The following SH3RF1 variants were observed in gnomAD, a reference collection of about 807,000 sequenced individuals.
The protein encoded by SH3RF1 is E3 ubiquitin-protein ligase SH3RF1.
In SH3RF1, 32 loss-of-function variants were observed where a neutral mutation model predicts 74.0. The observed-to-expected ratio is 0.43, with a 90% CI of 0.33 to 0.58. The LOEUF (loss-of-function observed/expected upper bound fraction) is 0.58. SH3RF1 is among the 20% of genes least tolerant of loss of function. The probability of loss-of-function intolerance (pLI) is 0.05; values close to 1 mark genes in which losing one functional copy is unlikely to be tolerated. For missense variants in SH3RF1, 954 were observed against 1,130.9 expected (o/e 0.84, Z 2.24); for synonymous variants, 396 against 439.6 (o/e 0.90, Z 1.24).
At chr4:169,222,802 G>T (rs1730589118) in intron 2 of SH3RF1, among the ~76,000 whole-genome samples, 1 of 152,012 alleles carries the variant, frequency 6.6e-6, no homozygotes, top group African/African-American at 2.4e-5. Context: ...AACTTTAATG[G>T]AACATGTTTA....
chr4:169,156,906 A>G (rs1188380193), intron 2 of SH3RF1, among the ~76,000 whole-genome samples: 1 of 152,194 alleles, frequency 6.6e-6, no homozygotes, highest in Non-Finnish European at 1.5e-5. Context: ...ACCAGCCATG[A>G]TTTAGGCTTC....
Position 169,136,448 on chromosome 4 carries a change from T to C in SH3RF1, c.938A>G (p.Lys313Arg). 6.2e-7 allele frequency: 1 copy of C among 1,612,452 alleles called. No individual in the cohort carries two copies. Among genetic ancestry groups the C allele is most frequent in the Non-Finnish European group, 8.5e-7 (1 of 1,179,188 alleles). Residue 313 changes from lysine to arginine, a missense_variant, in exon 5 of 12, where the codon AAG becomes AGG. By Grantham distance (26) the Lys-to-Arg change is conservative (BLOSUM62 2). Transcript: ENST00000284637. The stretch of plus-strand genomic sequence containing the variant: ...GCGGTTCTGGGATGCCTGGGAGGAC[T>C]TGTTGGCCATAGTGAGGGAAGTGAA... ...HSFTSLTMAN[K>R]SSQASQNRHS... is the part of the protein sequence containing the mutation.
At chr4:169,211,300 G>A (rs895343070) in intron 2 of SH3RF1, among the ~76,000 whole-genome samples, 11 of 152,026 alleles carry the variant, frequency 7.2e-5, no homozygotes, top group Non-Finnish European at 1.5e-4. Context: ...GGCTAACACA[G>A]TGAAACCCTG....
chr4:169,229,475 C>CA (rs144120791), intron 2 of SH3RF1, among the ~76,000 whole-genome samples: 34 of 145,756 alleles, frequency 2.3e-4, no homozygotes, highest in East Asian at 1.8e-3. Context: ...CCCCCCCACC[C>CA]AAAAAAAAAA....
At chr4:169,105,431 C>T (rs909832405) in intron 11 of SH3RF1, among the ~76,000 whole-genome samples, 27 of 152,232 alleles carry the variant, frequency 1.8e-4, no homozygotes, top group African/African-American at 6.0e-4. Context: ...TCCTAGAACC[C>T]CAGTGGGGTA....
At chr4:169,228,546 C>G (rs549549219) in intron 2 of SH3RF1, among the ~76,000 whole-genome samples, 9 of 152,184 alleles carry the variant, frequency 5.9e-5, no homozygotes, top group African/African-American at 1.7e-4. Context: ...TCTTCTGCCT[C>G]GCTATTCCAC....
intron 2 of SH3RF1, among the ~76,000 whole-genome samples, chr4:169,226,956 C>T (rs1307502637): frequency 6.6e-6 from 1 of 152,024 alleles, no homozygotes; most frequent in African/African-American, 2.4e-5. Flanking sequence ...CACTTGGGGC[C>T]AAGAGTTTGA....
At position 169,119,485 on chromosome 4, in the gene SH3RF1, T is replaced by A. The variant is rs545389054; in HGVS notation, c.1517+1334A>T. On this transcript the variant is annotated intron_variant, in intron 8 of 11. Transcript: ENST00000284637. ...TTGATAAAGATGTTTGACAAAAAAA[T>A]TTTTATAAAAATGTTTTCCTTCATT... is the stretch of plus-strand genomic sequence containing the variant. 1.1e-4 allele frequency among the ~76,000 whole-genome samples: 17 copies of A among 152,092 alleles called. No homozygotes were observed. The South Asian group carries it at 3.5e-3, about 32-fold the overall frequency.
At chr4:169,253,071 G>A (rs1266111021) in intron 2 of SH3RF1, among the ~76,000 whole-genome samples, 1 of 152,110 alleles carries the variant, frequency 6.6e-6, no homozygotes, top group Non-Finnish European at 1.5e-5. Context: ...GGAAAAGTTT[G>A]GATCGCAAAG....
At chr4:169,192,796 TTA>T (rs56840426) in intron 2 of SH3RF1, among the ~76,000 whole-genome samples, 9,902 of 148,484 alleles carry the variant, frequency 0.067, 1,110 homozygotes, top group African/African-American at 0.23. Context: ...TATGTTTCTT[TTA>T]TATATATATG....
chr4:169,122,037 C>T (rs1376729256), intron 7 of SH3RF1, 63 bp downstream of exon 7: 7 of 1,588,114 alleles, frequency 4.4e-6, no homozygotes, highest in Non-Finnish European at 5.2e-6. Context: ...GTTTCTTGAC[C>T]TCTGAGGTTT....
intron 2 of SH3RF1, among the ~76,000 whole-genome samples, chr4:169,192,333 T>C (rs997740221): frequency 2.1e-4 from 32 of 150,462 alleles, no homozygotes; most frequent in African/African-American, 7.6e-4. Flanking sequence ...CAAACATGAA[T>C]AGACAGTTCG....
At chr4:169,205,421 G>A (rs569569056) in intron 2 of SH3RF1, among the ~76,000 whole-genome samples, 1 of 152,164 alleles carries the variant, frequency 6.6e-6, no homozygotes, top group African/African-American at 2.4e-5. Flanking sequence ...AATAAGCATG[G>A]CAACTCTCCC....
intron 11 of SH3RF1, 104 bp downstream of exon 11, chr4:169,106,743 C>T (rs972649668): frequency 5.3e-6 from 5 of 950,026 alleles, no homozygotes; most frequent in African/African-American, 3.3e-5. Flanking sequence ...AGTTTCAAAA[C>T]ATTTAGGAAG....
intron 2 of SH3RF1, among the ~76,000 whole-genome samples, chr4:169,223,804 A>G (rs1041742663): frequency 7.2e-4 from 110 of 152,326 alleles, no homozygotes; most frequent in African/African-American, 2.5e-3. Context: ...TAAGAATGTG[A>G]TATGTGAGCA....
At chr4:169,161,119 A>G (rs991753485) in intron 2 of SH3RF1, among the ~76,000 whole-genome samples, 24 of 152,320 alleles carry the variant, frequency 1.6e-4, no homozygotes, top group Admixed American at 1.5e-3. Context: ...ACTTGGCTAC[A>G]CATGAAAGGG....
At chr4:169,218,436 GAATAT>G (rs1730503672) in intron 2 of SH3RF1, among the ~76,000 whole-genome samples, 1 of 140,580 alleles carries the variant, frequency 7.1e-6, no homozygotes, top group Non-Finnish European at 1.5e-5. Flanking sequence ...ATAGAATATA[GAATAT>G]AATACATGTT....
intron 2 of SH3RF1, among the ~76,000 whole-genome samples, chr4:169,260,892 A>G (rs1731266906): frequency 6.6e-6 from 1 of 152,182 alleles, no homozygotes; most frequent in Non-Finnish European, 1.5e-5. Flanking sequence ...TCTTTTCGGT[A>G]TCTTTTCAGT....
chr4:169,149,096 G>A (rs1413231359), intron 4 of SH3RF1, among the ~76,000 whole-genome samples: 5 of 152,098 alleles, frequency 3.3e-5, no homozygotes, highest in Non-Finnish European at 7.3e-5. Flanking sequence ...CTGTCCATTC[G>A]TGAAGTGGGA....
Sources: gnomAD v4.1 joint callset for allele counts (sites outside exome capture counted in the v4.1 genomes callset) on GRCh38, gnomAD v4.1.1 for gene constraint, MANE v1.5 for transcripts, NCBI Gene and HGNC (gene_info 2026-07-23, HGNC 2026-07-21) for gene names.